KCNC4: variants seen among roughly 807,000 people sequenced by gnomAD.
KCNC4 encodes voltage-gated potassium channel KCNC4.
A neutral mutation model predicts 42.8 loss-of-function variants in KCNC4; 23 were observed. The ratio of observed to expected loss-of-function variants is 0.54; its 90% CI spans 0.39 to 0.76. The LOEUF is 0.76. Ranked by LOEUF, KCNC4 falls within the 30% of genes least tolerant of loss-of-function variation. The pLI is 0.00. For synonymous variants in KCNC4, 422 were observed against 393.5 expected (o/e 1.07, Z -0.86); for missense variants, 751 against 898.2 (o/e 0.84, Z 2.10).
rs539117798 is a variant in KCNC4 at position 110,210,343 on chromosome 1, G to T, written c.-1157G>T. ...GGGCGTGGCGGCCGCTGCCAGCGCC[G>T]GAGGGAGACCATGAGCCCCTAGGGC... On this transcript the variant is annotated 5_prime_UTR_variant, in exon 1 of 4. Transcript: ENST00000438661. Among the ~76,000 whole-genome samples, 3 of 151,762 alleles carry T rather than the reference G, an allele frequency of 2.0e-5. No individual in the cohort carries two copies. In the East Asian group the frequency reaches 5.8e-4, roughly 30 times the overall value.
At chr1:110,273,498 C>T (rs114032197) in intron 1 of KCNC4, among the ~76,000 whole-genome samples, 2,109 of 152,320 alleles carry the variant, frequency 0.014, 23 homozygotes, top group South Asian at 0.035. Flanking sequence ...TCCGCTGACA[C>T]TAATGCCGAG....
At chr1:110,237,295 C>A (rs1459337925), downstream of KCNC4, 2 of 152,172 alleles carry the variant, frequency 1.3e-5, no homozygotes, top group Non-Finnish European at 2.9e-5. Flanking sequence ...CAGAACGAGA[C>A]CCTGTCTCAA....
At chr1:110,280,090 A>C (rs946614528) in intron 1 of KCNC4, among the ~76,000 whole-genome samples, 2 of 152,020 alleles carry the variant, frequency 1.3e-5, no homozygotes, top group Admixed American at 6.5e-5. Context: ...TGGAATGTTT[A>C]GGCTATCATT....
At chr1:110,216,984 G>A (rs1484191465) in intron 1 of KCNC4, among the ~76,000 whole-genome samples, 1 of 152,126 alleles carries the variant, frequency 6.6e-6, no homozygotes, top group East Asian at 1.9e-4. Flanking sequence ...GGCTCATCAG[G>A]ACCAGGAGAG....
chr1:110,232,896 G>A lies in KCNC4; in HGVS notation c.1820-15G>A. ...GTGCGTCCCAGTGTCTCACACCTGT[G>A]CTCTTTAAACACAGAGACCTGCCAA... On this transcript the variant is annotated splice_polypyrimidine_tract_variant and intron_variant, in intron 3 of 3. Transcript: ENST00000438661. 13 of 1,608,284 alleles carry A rather than the reference G, an allele frequency of 8.1e-6. No homozygotes were observed. The highest frequency in any genetic ancestry group is 1.0e-5 in the Non-Finnish European group (12 of 1,177,520).
At chr1:110,226,310 CA>C (rs771721822) in intron 3 of KCNC4, 132 bp downstream of exon 3, 2 of 723,474 alleles carry the variant, frequency 2.8e-6, no homozygotes, top group African/African-American at 3.5e-5. Context: ...GATGCACCCC[CA>C]CTTTTAGAAT....
At chr1:110,217,445 G>A (rs975573789) in intron 1 of KCNC4, among the ~76,000 whole-genome samples, 1 of 152,142 alleles carries the variant, frequency 6.6e-6, no homozygotes, top group African/African-American at 2.4e-5. Context: ...ACCATATGCA[G>A]CGTTAGGGAA....
Position 110,223,452 on chromosome 1 carries a change from C to T in KCNC4, c.1167C>T (p.Ala389=). 1 of 1,613,958 alleles carries T rather than the reference C, an allele frequency of 6.2e-7. No homozygotes were observed. The highest frequency in any genetic ancestry group is 8.5e-7 in the Non-Finnish European group (1 of 1,180,036). ...TCCTGCTGCTTATCATCTTCCTGGC[C>T]CTGGGTGTGCTCATCTTTGCCACCA... ...NEFLLLIIFL[A]LGVLIFATMI... The change falls in exon 2 of 4, where the codon GCC becomes GCT. Residue 389 remains alanine, a synonymous_variant. Transcript: ENST00000438661. This position sits in a 1 kb window ranked among gnomAD's most constrained non-coding sequence, Gnocchi z 7.5.
At chr1:110,278,943 C>T (rs966411664) in intron 1 of KCNC4, among the ~76,000 whole-genome samples, 1 of 152,150 alleles carries the variant, frequency 6.6e-6, no homozygotes, top group Non-Finnish European at 1.5e-5. Flanking sequence ...AACCTTTCTT[C>T]CGTCTCATGT....
intron 1 of KCNC4, among the ~76,000 whole-genome samples, chr1:110,215,877 C>T (rs1303479827): frequency 1.3e-5 from 2 of 152,236 alleles, no homozygotes; most frequent in East Asian, 1.9e-4. Context: ...TAAGTCTGTG[C>T]TCCTCCTATG....
rs1198259732 is a variant in KCNC4, at chr1:110,282,929, T to C, written n.152-72T>C. 2.6e-5 allele frequency: 4 copies of C among 152,208 alleles called. No homozygotes were observed. The East Asian group carries it at 7.7e-4, about 29-fold the overall frequency. 9.4% of individuals were successfully genotyped at this position (152,208 alleles called of 1,614,324 possible). ...ACTGAGTGTCTTGGTTCATTTTGTG[T>C]TGCTATAGCAGAATACCCAAGGCTG... On this transcript the variant is annotated intron_variant and non_coding_transcript_variant, in intron 2 of 2. Coordinates refer to the KCNC4 transcript ENST00000412512.
At chr1:110,230,389 C>T (rs957844752) in intron 3 of KCNC4, among the ~76,000 whole-genome samples, 2 of 152,194 alleles carry the variant, frequency 1.3e-5, no homozygotes, top group Non-Finnish European at 2.9e-5. Flanking sequence ...CGAGAGGACT[C>T]CCTGGCATGG....
intron 1 of KCNC4, chr1:110,222,508 A>C (rs1227918601): frequency 1.2e-5 from 2 of 165,030 alleles, no homozygotes; most frequent in African/African-American, 2.4e-5. Flanking sequence ...CCATTGCCTT[A>C]AAGCCCAGTT....
At chr1:110,261,717 T>C (rs1388392194) in intron 1 of KCNC4, among the ~76,000 whole-genome samples, 1 of 152,176 alleles carries the variant, frequency 6.6e-6, no homozygotes, top group Non-Finnish European at 1.5e-5. Context: ...TGTGTTGTCA[T>C]TGATGATGTT....
intron 3 of KCNC4, chr1:110,232,218 C>G (rs1209823632): frequency 6.2e-7 from 1 of 1,613,800 alleles, no homozygotes. Context: ...TCTCCTGAGA[C>G]AGGCACATTC....
intron 3 of KCNC4, among the ~76,000 whole-genome samples, chr1:110,229,832 C>T (rs950776002): frequency 6.6e-6 from 1 of 152,150 alleles, no homozygotes; most frequent in African/African-American, 2.4e-5. Flanking sequence ...TCAGCCAAGA[C>T]GTTTCCTCTT....
At chr1:110,231,171 A>G (rs1222547667) in intron 3 of KCNC4, among the ~76,000 whole-genome samples, 1 of 152,222 alleles carries the variant, frequency 6.6e-6, no homozygotes, top group Non-Finnish European at 1.5e-5. Context: ...AGGTAGAACC[A>G]GAAGGAAGGG....
intron 1 of KCNC4, among the ~76,000 whole-genome samples, chr1:110,219,398 G>A (rs1189857751): frequency 6.6e-6 from 1 of 152,148 alleles, no homozygotes; most frequent in Non-Finnish European, 1.5e-5. Flanking sequence ...TTTATATAGA[G>A]GAAACAGGTG....
exon 4 of KCNC4, chr1:110,246,896 A>G (rs1358127521): frequency 6.6e-6 from 1 of 150,618 alleles, no homozygotes. Context: ...CCATTAAGTA[A>G]TTTCTCATTG....
Sources: gnomAD v4.1 joint callset for allele counts (sites outside exome capture counted in the v4.1 genomes callset) on GRCh38, gnomAD v4.1.1 for gene constraint, Gnocchi (gnomAD v3.1) non-coding constraint, MANE v1.5 for transcripts, NCBI Gene and HGNC (gene_info 2026-07-23, HGNC 2026-07-21) for gene names.